The following GCNT2 variants were observed in gnomAD, a reference collection of about 807,000 sequenced individuals.
The protein encoded by GCNT2 is glucosaminyl (N-acetyl) transferase 2 (I blood group).
A neutral mutation model predicts 34.2 loss-of-function variants in GCNT2; 34 were observed. The ratio of observed to expected loss-of-function variants is 1.00; its 90% CI spans 0.76 to 1.32. GCNT2 has a LOEUF of 1.32. Ranked by LOEUF, GCNT2 falls within the 40% of genes most tolerant of loss-of-function variation. GCNT2 has a pLI of 0.00. For missense variants in GCNT2, 584 were observed against 489.4 expected, an observed-to-expected ratio of 1.19 and a Z score of -1.82; for synonymous variants, 212 against 188.0, an observed-to-expected ratio of 1.13 and a Z score of -1.04.
At chr6:10,575,422 C>T (rs1012371814) in intron 3 of GCNT2, among the ~76,000 whole-genome samples, 5 of 146,516 alleles carry the variant, frequency 3.4e-5, no homozygotes, top group Non-Finnish European at 4.4e-5. Flanking sequence ...AGTGCAATGG[C>T]GCGTTCTCAG....
intron 3 of GCNT2, among the ~76,000 whole-genome samples, chr6:10,545,115 AC>A (rs1762214572): frequency 6.6e-6 from 1 of 152,158 alleles, no homozygotes; most frequent in Non-Finnish European, 1.5e-5. Flanking sequence ...TCAAGTGGGT[AC>A]AGCCCCCCAG....
chr6:10,558,317 G>C (rs1364482220), intron 3 of GCNT2, among the ~76,000 whole-genome samples: 1 of 152,174 alleles, frequency 6.6e-6, no homozygotes, highest in Non-Finnish European at 1.5e-5. Context: ...GAATGGTAAA[G>C]CATGAAGCTT....
chr6:10,592,723 A>ATTTT (rs1764702243), intron 3 of GCNT2, among the ~76,000 whole-genome samples: 1 of 151,866 alleles, frequency 6.6e-6, no homozygotes, highest in Non-Finnish European at 1.5e-5. Context: ...GAGCTCTTTT[A>ATTTT]TTTTTATTTG....
chr6:10,564,498 G>C (rs1763189831), intron 3 of GCNT2, among the ~76,000 whole-genome samples: 1 of 152,170 alleles, frequency 6.6e-6, no homozygotes, highest in South Asian at 2.1e-4. Flanking sequence ...GAGAGAACCA[G>C]GTTGGACTCC....
intron 3 of GCNT2, among the ~76,000 whole-genome samples, chr6:10,569,720 A>G (rs765620144): frequency 3.9e-5 from 6 of 152,180 alleles, no homozygotes; most frequent in Non-Finnish European, 7.3e-5. Context: ...CTAAGCAAAA[A>G]TATGTTAACT....
intron 3 of GCNT2, among the ~76,000 whole-genome samples, chr6:10,620,844 A>T (rs1037066246): frequency 6.6e-6 from 1 of 152,210 alleles, no homozygotes; most frequent in Admixed American, 6.5e-5. Flanking sequence ...GCTCACCCAC[A>T]GGACATTTGG....
intron 3 of GCNT2, among the ~76,000 whole-genome samples, chr6:10,551,526 A>T (rs1469401535): frequency 1.3e-5 from 2 of 151,348 alleles, no homozygotes; most frequent in African/African-American, 4.9e-5. Flanking sequence ...GCTCACAGCA[A>T]CGTTCGCCTC....
chr6:10,538,437 A>AAAATAT (rs1554127249), intron 3 of GCNT2, among the ~76,000 whole-genome samples: 27 of 73,316 alleles, frequency 3.7e-4, no homozygotes, highest in African/African-American at 6.0e-4. Context: ...AAAAAAAAAA[A>AAAATAT]ATATATATAT....
rs1220205107 is a variant in GCNT2, at chr6:10,552,395, C to CCAACCT, written c.925+22562_925+22567dup. The stretch of plus-strand genomic sequence containing the variant: ...CCAGGTCCTGAATCCTTGGATTCAA[C>CCAACCT]CAACCTCAGCACTCTGTTTCCCCAG... On this transcript the variant is annotated intron_variant, in intron 3 of 4. Transcript: ENST00000495262. Among the ~76,000 whole-genome samples, 3 of 152,010 alleles carry CCAACCT rather than the reference C, an allele frequency of 2.0e-5. No homozygotes were observed. In the East Asian group the frequency reaches 5.8e-4, roughly 29 times the overall value.
At chr6:10,585,740 G>A in intron 3 of GCNT2, 1 of 1,389,520 alleles carries the variant, frequency 7.2e-7, no homozygotes, top group Non-Finnish European at 9.3e-7. Context: ...CAAACAGCAG[G>A]GATTCAACCC....
intron 3 of GCNT2, among the ~76,000 whole-genome samples, chr6:10,567,082 G>A (rs1215208458): frequency 6.6e-6 from 1 of 152,192 alleles, no homozygotes; most frequent in South Asian, 2.1e-4. Flanking sequence ...ACTTTGGGAG[G>A]CCAAGGCAGG....
chr6:10,572,445 C>T (rs961461475), intron 3 of GCNT2, among the ~76,000 whole-genome samples: 4 of 152,030 alleles, frequency 2.6e-5, no homozygotes, highest in East Asian at 1.9e-4. Flanking sequence ...GATGGCAGGC[C>T]GGGCGCTGTG....
chr6:10,603,027 C>T (rs1172043065), intron 3 of GCNT2, among the ~76,000 whole-genome samples: 1 of 152,230 alleles, frequency 6.6e-6, no homozygotes, highest in Non-Finnish European at 1.5e-5. Context: ...TGAACAAACA[C>T]ATCTGAATAA....
intron 3 of GCNT2, among the ~76,000 whole-genome samples, chr6:10,548,738 T>C (rs563279116): frequency 6.6e-6 from 1 of 152,248 alleles, no homozygotes; most frequent in South Asian, 2.1e-4. Flanking sequence ...CATTGTTGCA[T>C]AGAGAGAAGA....
chr6:10,612,887 A>G (rs1765620941), intron 3 of GCNT2, among the ~76,000 whole-genome samples: 2 of 152,358 alleles, frequency 1.3e-5, no homozygotes, highest in African/African-American at 4.8e-5. Flanking sequence ...TTTTGAAGAT[A>G]TTAAAGGGTC....
At chr6:10,563,657 G>A (rs1216916666) in intron 3 of GCNT2, among the ~76,000 whole-genome samples, 9 of 150,436 alleles carry the variant, frequency 6.0e-5, no homozygotes, top group Admixed American at 3.3e-4. Flanking sequence ...CAGGAGAATC[G>A]CTTGAACCCA....
At chr6:10,549,758 C>T (rs1334815861) in intron 3 of GCNT2, among the ~76,000 whole-genome samples, 1 of 151,986 alleles carries the variant, frequency 6.6e-6, no homozygotes, top group Non-Finnish European at 1.5e-5. Context: ...CAGCTTATGA[C>T]CACTACTCAA....
At chr6:10,545,632 C>T (rs1762235522) in intron 3 of GCNT2, among the ~76,000 whole-genome samples, 1 of 152,148 alleles carries the variant, frequency 6.6e-6, no homozygotes, top group Non-Finnish European at 1.5e-5. Context: ...AAGGGTAAAT[C>T]AGTCACCCTT....
intron 3 of GCNT2, among the ~76,000 whole-genome samples, chr6:10,575,939 C>T (rs1268788456): frequency 3.3e-5 from 5 of 152,030 alleles, no homozygotes; most frequent in Non-Finnish European, 2.9e-5. Flanking sequence ...GGCCCCACCC[C>T]ATCTCCCTTT....
Sources: allele counts gnomAD v4.1 joint callset (sites outside exome capture counted in the v4.1 genomes callset), GRCh38; gene constraint gnomAD v4.1.1; transcripts MANE v1.5; gene names NCBI Gene and HGNC (gene_info 2026-07-23, HGNC 2026-07-21).